The following MITF variants were observed in gnomAD, a reference collection of about 807,000 sequenced individuals.
MITF encodes the protein microphthalmia-associated transcription factor.
A neutral mutation model predicts 60.5 loss-of-function variants in MITF; 17 were observed. The ratio of observed to expected loss-of-function variants is 0.28; its 90% confidence interval spans 0.19 to 0.42. The LOEUF (loss-of-function observed/expected upper bound fraction) is 0.42. Among genes scored for constraint, MITF ranks in the 10% least tolerant of loss-of-function variants. MITF has a pLI of 1.00. For synonymous variants in MITF, 260 were observed against 248.5 expected (o/e 1.05, Z -0.43); for missense variants, 622 against 683.5 (o/e 0.91, Z 1.00).
At chr3:69,912,434 T>A (rs2065244631) in intron 2 of MITF, among the ~76,000 whole-genome samples, 1 of 152,164 alleles carries the variant, frequency 6.6e-6, no homozygotes, top group Admixed American at 6.5e-5. Context: ...TAAGGAATAC[T>A]TTCAGGGAAA....
In MITF at chr3:69,939,104, T is replaced by G; in HGVS notation, c.589T>G (p.Tyr197Asp). 4 of 1,614,014 alleles carry G rather than the reference T, an allele frequency of 2.5e-6. No individual in the cohort carries two copies. Among genetic ancestry groups the G allele is most frequent in the Non-Finnish European group, 3.4e-6 (4 of 1,179,970 alleles). Reference protein sequence around the residue: ...LNSNCEKEGFYKFEEQNRAES... With the variant: ...LNSNCEKEGFDKFEEQNRAES... ...TTTGCTTGTGTTTTTGCAGGGATTT[T>G]ATAAGTTTGAAGAGCAAAACAGGGC... is the stretch of plus-strand genomic sequence containing the variant. Residue 197 changes from tyrosine to aspartate, a missense_variant, in exon 4 of 10, where the codon TAT (tyrosine) becomes GAT (aspartate). Around this residue, in one of 5 missense-constraint regions of MITF, gnomAD observed 215 missense variants for 224.8 expected, o/e 0.96. Transcript: ENST00000352241.
chr3:69,871,004 TTTGA>T (rs763860651), intron 1 of MITF, among the ~76,000 whole-genome samples: 19 of 152,218 alleles, frequency 1.2e-4, no homozygotes, highest in Admixed American at 5.2e-4. Flanking sequence ...AAAAATGGAG[TTTGA>T]TTGGCCCTCG....
At chr3:69,944,804 T>C (rs1339748828) in intron 5 of MITF, among the ~76,000 whole-genome samples, 1 of 152,156 alleles carries the variant, frequency 6.6e-6, no homozygotes, top group African/African-American at 2.4e-5. Flanking sequence ...AAGCTCTCAC[T>C]AAAAGTAAGT....
chr3:69,839,534 G>A (rs2063597459), intron 1 of MITF, among the ~76,000 whole-genome samples: 1 of 151,452 alleles, frequency 6.6e-6, no homozygotes, highest in Admixed American at 6.6e-5. Flanking sequence ...ATTTTGACGT[G>A]CTCTTTCAAA....
rs560808156 is a variant in MITF, at chr3:69,965,055, C to G, written c.1388C>G (p.Thr463Ser). The change falls in exon 10 of 10, where the codon ACT becomes AGT. Residue 463 changes from threonine (T) to serine (S), a missense_variant. By Grantham distance (58) the Thr-to-Ser change is moderately conservative. Coordinates refer to ENST00000352241, the MANE Select transcript of MITF (RefSeq NM_001354604.2). The part of the protein sequence containing the change: ...GTITFNNNLG[T>S]GTEANQAYSV... ...ATCACCTTCAACAACAACCTCGGAA[C>G]TGGGACTGAGGCCAACCAAGCCTAT... The G allele has an allele frequency of 1.2e-6, 2 of 1,614,034 alleles. No homozygotes were observed. The highest frequency in any genetic ancestry group is 1.7e-6 in the Non-Finnish European group (2 of 1,180,038).
rs770654677 is a variant in MITF, at chr3:69,879,305, G to A, written c.276G>A (p.Val92=). The change falls in exon 2 of 10, where the codon GTG becomes GTA. Residue 92 remains valine, a synonymous_variant. Transcript: ENST00000352241. ...AAQFMQQRVP[V]SQTPAINVSV... is the part of the protein sequence containing the mutation. ...AGTTCATGCAACAGAGAGTGCCCGT[G>A]AGTCAGACACCAGCCATAAACGTCA... 6.2e-7 allele frequency: 1 copy of A among 1,614,194 alleles called. No homozygotes were observed. The highest frequency in any genetic ancestry group is 2.2e-5 in the East Asian group (1 of 44,880).
chr3:69,846,715 G>T (rs1047776683), intron 1 of MITF, among the ~76,000 whole-genome samples: 5 of 151,184 alleles, frequency 3.3e-5, no homozygotes, highest in Non-Finnish European at 5.9e-5. Context: ...TGCTCAGGAG[G>T]CTGAGACATG....
At chr3:69,869,282 GAAGGACC>G (rs1325047453) in intron 1 of MITF, among the ~76,000 whole-genome samples, 1 of 152,200 alleles carries the variant, frequency 6.6e-6, no homozygotes, top group Non-Finnish European at 1.5e-5. Context: ...ACCAGGTCAT[GAAGGACC>G]AAGCACATAC....
At chr3:69,753,968 T>C (rs1201846545) in intron 1 of MITF, among the ~76,000 whole-genome samples, 1 of 152,174 alleles carries the variant, frequency 6.6e-6, no homozygotes, top group Non-Finnish European at 1.5e-5. Context: ...GATTGTATTT[T>C]GCAATGTGAG....
intron 2 of MITF, among the ~76,000 whole-genome samples, chr3:69,907,240 T>C (rs952159267): frequency 6.6e-6 from 1 of 152,192 alleles, no homozygotes; most frequent in Non-Finnish European, 1.5e-5. Flanking sequence ...TCCTACTTTC[T>C]ATGTCCAAAA....
chr3:69,961,929 G>A (rs953533919), intron 9 of MITF, among the ~76,000 whole-genome samples: 4 of 152,146 alleles, frequency 2.6e-5, no homozygotes, highest in Non-Finnish European at 4.4e-5. Context: ...TTCCAGTGAC[G>A]GTGTGAGGCA....
intron 1 of MITF, among the ~76,000 whole-genome samples, chr3:69,783,204 G>A (rs1022800201): frequency 2.6e-5 from 4 of 152,150 alleles, no homozygotes; most frequent in African/African-American, 9.7e-5. Context: ...TGGTTTGGAA[G>A]TAGAGACCTA....
intron 2 of MITF, among the ~76,000 whole-genome samples, chr3:69,880,569 A>AT (rs1294092564): frequency 2.0e-5 from 3 of 151,870 alleles, no homozygotes; most frequent in East Asian, 1.9e-4. Context: ...CAGTTAATGG[A>AT]TTTTTTCCTC....
intron 1 of MITF, among the ~76,000 whole-genome samples, chr3:69,795,740 A>G (rs2062816808): frequency 6.6e-6 from 1 of 152,198 alleles, no homozygotes. Context: ...AATAAAAGGT[A>G]AAAAATAAAT....
intron 6 of MITF, among the ~76,000 whole-genome samples, 167 bp downstream of exon 6, chr3:69,949,335 A>T (rs1338530257): frequency 3.3e-5 from 5 of 152,184 alleles, no homozygotes; most frequent in Non-Finnish European, 7.3e-5. Flanking sequence ...CGGAGAATTT[A>T]TACTTGAAAA....
chr3:69,945,230 G>A (rs1284872458), intron 5 of MITF, among the ~76,000 whole-genome samples: 1 of 152,126 alleles, frequency 6.6e-6, no homozygotes, highest in Non-Finnish European at 1.5e-5. Context: ...CATTTTGGTG[G>A]AGCACAACAT....
At chr3:69,915,453 A>G (rs1188848433) in intron 2 of MITF, among the ~76,000 whole-genome samples, 1 of 151,872 alleles carries the variant, frequency 6.6e-6, no homozygotes, top group Non-Finnish European at 1.5e-5. Context: ...ATGAAAATTA[A>G]TGAATGATAT....
rs373660547 is a variant in MITF at position 69,763,927 on chromosome 3, G to A, written c.104+24226G>A. On this transcript the variant is annotated intron_variant, in intron 1 of 9. Coordinates refer to ENST00000352241, the MANE Select transcript of MITF (RefSeq NM_001354604.2). ...AAGGAAACCAGGAAATTGACTCTGT[G>A]CCTGTTTTCAAGAAGGTAATACAGA... 121 of 1,367,218 alleles carry A rather than the reference G, an allele frequency of 8.9e-5. No individual in the cohort carries two copies. The African/African-American group carries it at 1.7e-3, about 19-fold the overall frequency. The allele number at this position is 1,367,218 out of a possible 1,614,324, so 84.7% of individuals were successfully genotyped here.
intron 2 of MITF, among the ~76,000 whole-genome samples, chr3:69,880,240 A>G (rs900116760): frequency 6.6e-6 from 1 of 152,146 alleles, no homozygotes; most frequent in African/African-American, 2.4e-5. Flanking sequence ...CCGGTGATTC[A>G]TTATTGGTTT....
Sources: gnomAD v4.1 joint callset for allele counts (sites outside exome capture counted in the v4.1 genomes callset) on GRCh38, gnomAD v4.1.1 for gene constraint, gnomAD v4.1.1 regional missense constraint, MANE v1.5 for transcripts, NCBI Gene and HGNC (gene_info 2026-07-23, HGNC 2026-07-21) for gene names.